TLL2: variants seen among roughly 807,000 people sequenced by gnomAD.
TLL2 encodes tolloid-like protein 2.
A neutral mutation model predicts 123.0 loss-of-function variants in TLL2; 106 were observed. The ratio of observed to expected loss-of-function variants is 0.86; its 90% CI spans 0.74 to 1.01. TLL2 has a LOEUF of 1.01. Ranked by LOEUF, TLL2 falls within the 50% of genes least tolerant of loss-of-function variation. The probability of loss-of-function intolerance (pLI) is 0.00; values close to 1 mark genes in which losing one functional copy is unlikely to be tolerated. For missense variants in TLL2, 1,332 were observed against 1,336.7 expected (o/e 1.00, Z 0.06); for synonymous variants, 494 against 516.8 (o/e 0.96, Z 0.60).
intron 3 of TLL2, among the ~76,000 whole-genome samples, chr10:96,444,979 G>A (rs1187235026): frequency 6.6e-6 from 1 of 152,206 alleles, no homozygotes; most frequent in African/African-American, 2.4e-5. Context: ...CACGAGGTCA[G>A]CAGACCGAGA....
chr10:96,415,825 A>G (rs1044516264), intron 7 of TLL2, among the ~76,000 whole-genome samples: 2 of 98,720 alleles, frequency 2.0e-5, no homozygotes, highest in African/African-American at 3.8e-5. Flanking sequence ...GAAAATACCT[A>G]TTACCCCTGG....
At chr10:96,374,026 A>C (rs935129809) in intron 18 of TLL2, 10 of 561,206 alleles carry the variant, frequency 1.8e-5, no homozygotes, top group Admixed American at 1.2e-4. Flanking sequence ...CCTATGAAGT[A>C]GTTACATGAG....
chr10:96,395,466 T>G, intron 12 of TLL2, 84 bp from the exon 13 acceptor site: 1 of 1,389,506 alleles, frequency 7.2e-7, no homozygotes, highest in Admixed American at 2.6e-5. Flanking sequence ...CAAATATCAC[T>G]CTCAAAATCT....
At chr10:96,384,480 G>C in intron 16 of TLL2, 107 bp downstream of exon 16, 1 of 1,218,124 alleles carries the variant, frequency 8.2e-7, no homozygotes, top group South Asian at 1.8e-5. Context: ...CTGGAGGGAT[G>C]CAGGAGCAAG....
At chr10:96,479,948 C>T (rs1283385839) in intron 2 of TLL2, among the ~76,000 whole-genome samples, 2 of 152,214 alleles carry the variant, frequency 1.3e-5, no homozygotes, top group African/African-American at 4.8e-5. Flanking sequence ...ATTCACATGA[C>T]ACCAGGCAGG....
At chr10:96,464,847 T>C (rs901620663) in intron 2 of TLL2, among the ~76,000 whole-genome samples, 4 of 152,160 alleles carry the variant, frequency 2.6e-5, no homozygotes, top group Non-Finnish European at 5.9e-5. Flanking sequence ...GACTGAACAC[T>C]GAATTTAAAT....
rs114683735 is a variant in TLL2 at position 96,464,681 on chromosome 10, T to C, written c.286+15668A>G. ...TGCTTAACATGATACTGCTTCTGTATCAATAGTGTCTACACCACCTGCTTT... is the reference window on the plus strand; with the variant it reads ...TGCTTAACATGATACTGCTTCTGTACCAATAGTGTCTACACCACCTGCTTT... On this transcript the variant is annotated intron_variant, in intron 2 of 20. Transcript: ENST00000357947. Among the ~76,000 whole-genome samples the C allele has an allele frequency of 3.6e-3, 555 of 152,232 alleles. 5 individuals are homozygous for C. The highest frequency in any genetic ancestry group is 0.012 in the African/African-American group (504 of 41,530).
intron 18 of TLL2, among the ~76,000 whole-genome samples, chr10:96,374,961 C>T (rs1209827144): frequency 1.6e-5 from 1 of 64,236 alleles, no homozygotes; most frequent in Admixed American, 1.6e-4. Context: ...ACATTAGTTG[C>T]GGGGGGGGGG....
chr10:96,436,268 T>C (rs568632277), intron 3 of TLL2, among the ~76,000 whole-genome samples: 20 of 152,364 alleles, frequency 1.3e-4, no homozygotes, highest in South Asian at 2.1e-4. Context: ...ACTGATATCA[T>C]TGATGGCTAG....
At position 96,396,056 on chromosome 10, in the gene TLL2, CCCTG is replaced by C. The variant is rs775778663; in HGVS notation, c.1385-40_1385-37del. Reference sequence around the variant, plus strand: ...AGACATCAGGAGAGGAAGACGGGGGCCCTGGTCAGATCTTACTTAGGAAGGAAGG... The same window carrying C: ...AGACATCAGGAGAGGAAGACGGGGGCGTCAGATCTTACTTAGGAAGGAAGG... On this transcript the variant is annotated intron_variant, in intron 11 of 20. Coordinates refer to ENST00000357947, the MANE Select transcript of TLL2 (RefSeq NM_012465.4). 5.0e-6 allele frequency: 8 copies of C among 1,609,770 alleles called. No individual in the cohort carries two copies. In the South Asian group the frequency reaches 5.5e-5, roughly 11 times the overall value.
At position 96,420,951 on chromosome 10, in the gene TLL2, C is replaced by G. The variant is rs1433656844; in HGVS notation, c.923+5G>C. ...CACAGACGAGGCATAAGCATAGATT[C>G]CGACCTTGAGAAGGTGTTCCGGGCG... On this transcript the variant is annotated splice_donor_5th_base_variant and intron_variant, in intron 7 of 20. Transcript: ENST00000357947. 6.2e-7 allele frequency: 1 copy of G among 1,613,780 alleles called. No homozygotes were observed.
chr10:96,385,278 A>G (rs186381765), intron 15 of TLL2, among the ~76,000 whole-genome samples: 2 of 152,290 alleles, frequency 1.3e-5, no homozygotes, highest in African/African-American at 4.8e-5. Flanking sequence ...TAGGACTAGA[A>G]TTCATGTTCC....
intron 1 of TLL2, among the ~76,000 whole-genome samples, chr10:96,509,543 C>T (rs374888526): frequency 6.6e-6 from 1 of 152,212 alleles, no homozygotes; most frequent in African/African-American, 2.4e-5. Context: ...TTTCCTTCCT[C>T]CCTGTCTCAT....
intron 1 of TLL2, among the ~76,000 whole-genome samples, chr10:96,511,031 C>A (rs1847624688): frequency 1.4e-5 from 2 of 147,630 alleles, no homozygotes; most frequent in African/African-American, 4.9e-5. Flanking sequence ...AGATTCAAGA[C>A]CCTCCCCTCT....
chr10:96,418,871 A>G (rs1846592667), intron 7 of TLL2, among the ~76,000 whole-genome samples: 1 of 150,440 alleles, frequency 6.6e-6, no homozygotes. Flanking sequence ...AATTATTAAT[A>G]GATAAATTAA....
chr10:96,463,003 A>G (rs1847094766), intron 2 of TLL2, among the ~76,000 whole-genome samples: 3 of 152,248 alleles, frequency 2.0e-5, no homozygotes, highest in African/African-American at 7.2e-5. Context: ...GGGAGACTCA[A>G]ATTTTTCGTT....
chr10:96,380,336 T>C (rs981831011), intron 16 of TLL2, among the ~76,000 whole-genome samples: 1 of 152,114 alleles, frequency 6.6e-6, no homozygotes, highest in Non-Finnish European at 1.5e-5. Flanking sequence ...CCTCTCTATA[T>C]GCTCTTGTTC....
chr10:96,462,745 A>C (rs1480737463), intron 2 of TLL2, among the ~76,000 whole-genome samples: 1 of 152,250 alleles, frequency 6.6e-6, no homozygotes, highest in Non-Finnish European at 1.5e-5. Context: ...TCATGCCTGA[A>C]TGAAATTTAT....
chr10:96,393,950 G>A (rs1564897535), intron 13 of TLL2, among the ~76,000 whole-genome samples: 2 of 152,118 alleles, frequency 1.3e-5, no homozygotes, highest in Non-Finnish European at 2.9e-5. Flanking sequence ...CAATTGCTTA[G>A]GTACAATGGG....
Sources: gnomAD v4.1 joint callset for allele counts (sites outside exome capture counted in the v4.1 genomes callset) on GRCh38, gnomAD v4.1.1 for gene constraint, MANE v1.5 for transcripts, NCBI Gene and HGNC (gene_info 2026-07-23, HGNC 2026-07-21) for gene names.